CACNA1E: variants seen among roughly 807,000 people sequenced by gnomAD.
CACNA1E encodes voltage-dependent R-type calcium channel subunit alpha-1E.
CACNA1E carries 40 observed loss-of-function variants against 259.2 expected under a neutral mutation model. The observed-to-expected ratio is 0.15, with a 90% CI of 0.12 to 0.20. CACNA1E has a LOEUF of 0.20. CACNA1E is among the 10% of genes least tolerant of loss of function. The probability of loss-of-function intolerance (pLI) is 1.00; values close to 1 mark genes in which losing one functional copy is unlikely to be tolerated. For synonymous variants in CACNA1E, 1,104 were observed against 1,138.5 expected, an observed-to-expected ratio of 0.97 and a Z score of 0.61; for missense variants, 1,874 against 3,040.1, an observed-to-expected ratio of 0.62 and a Z score of 9.02.
At chr1:181,578,979 T>G in intron 4 of CACNA1E, 93 bp from the exon 5 acceptor site, 2 of 1,093,792 alleles carry the variant, frequency 1.8e-6, no homozygotes, top group East Asian at 2.5e-5. Flanking sequence ...GACGGCAGCA[T>G]GGATGAAACC....
At chr1:181,769,445 T>C in intron 35 of CACNA1E, among the ~76,000 whole-genome samples, 1 of 139,520 alleles carries the variant, frequency 7.2e-6, no homozygotes, top group South Asian at 2.2e-4. Flanking sequence ...TGCTTTTTGG[T>C]TTTTTTTTTT....
intron 1 of CACNA1E, among the ~76,000 whole-genome samples, chr1:181,487,640 C>G (rs988889793): frequency 2.6e-5 from 4 of 152,228 alleles, no homozygotes. Context: ...TAGATCTTCT[C>G]TGGCAGTTGG....
chr1:181,545,539 G>A (rs890460649), intron 3 of CACNA1E, among the ~76,000 whole-genome samples: 3 of 152,096 alleles, frequency 2.0e-5, no homozygotes, highest in African/African-American at 7.2e-5. Context: ...CTCCTCCCAC[G>A]TGAGGGTGTG....
chr1:181,416,812 C>T (rs1333802155), intron 2 of CACNA1E, among the ~76,000 whole-genome samples: 1 of 152,168 alleles, frequency 6.6e-6, no homozygotes, highest in Non-Finnish European at 1.5e-5. Context: ...CCCTCGTTGC[C>T]ACCATCTACA....
chr1:181,708,926 C>T (rs1466052767), intron 7 of CACNA1E, among the ~76,000 whole-genome samples: 3 of 151,982 alleles, frequency 2.0e-5, no homozygotes, highest in East Asian at 1.9e-4. Flanking sequence ...AAAAAGATAA[C>T]GTTGATAGTG....
intron 17 of CACNA1E, among the ~76,000 whole-genome samples, chr1:181,725,199 G>C (rs1411787772): frequency 6.6e-6 from 1 of 152,202 alleles, no homozygotes; most frequent in Non-Finnish European, 1.5e-5. Context: ...TGACATTTCT[G>C]AGCTTCTTCC....
At chr1:181,550,942 G>GTAT (rs1184526562) in intron 3 of CACNA1E, among the ~76,000 whole-genome samples, 1 of 151,732 alleles carries the variant, frequency 6.6e-6, no homozygotes, top group African/African-American at 2.4e-5. Flanking sequence ...TAGATTGAAA[G>GTAT]TATTATTATT....
chr1:181,646,887 C>T (rs1022524701), intron 6 of CACNA1E, among the ~76,000 whole-genome samples: 3 of 152,254 alleles, frequency 2.0e-5, no homozygotes, highest in African/African-American at 7.2e-5. Flanking sequence ...AACACATTCC[C>T]ACAATGTCAG....
At chr1:181,735,584 C>T (rs1032465402) in intron 21 of CACNA1E, among the ~76,000 whole-genome samples, 1 of 152,248 alleles carries the variant, frequency 6.6e-6, no homozygotes, top group Non-Finnish European at 1.5e-5. Flanking sequence ...GAGCTCCCCT[C>T]GACCTCTGGC....
chr1:181,686,364 G>A (rs774051834), intron 7 of CACNA1E, among the ~76,000 whole-genome samples: 2 of 127,844 alleles, frequency 1.6e-5, no homozygotes, highest in Non-Finnish European at 3.1e-5. Flanking sequence ...TTGGCTCACT[G>A]CAACCTCTAC....
chr1:181,726,578 A>G (rs899209873), intron 18 of CACNA1E, among the ~76,000 whole-genome samples: 4 of 151,892 alleles, frequency 2.6e-5, no homozygotes, highest in Non-Finnish European at 5.9e-5. Flanking sequence ...GTAATTAATG[A>G]GGGGAAATAG....
At chr1:181,645,066 G>A (rs1348355194) in intron 6 of CACNA1E, among the ~76,000 whole-genome samples, 1 of 152,192 alleles carries the variant, frequency 6.6e-6, no homozygotes, top group African/African-American at 2.4e-5. Flanking sequence ...CGTCCTTACT[G>A]GTGACAGCCG....
rs976178498 is a variant in CACNA1E at position 181,801,318 on chromosome 1, T to C, written c.*2484T>C. The C allele has an allele frequency of 2.0e-5, 3 of 152,564 alleles. No individual in the cohort carries two copies. Among genetic ancestry groups the C allele is most frequent in the Non-Finnish European group, 4.4e-5 (3 of 68,038 alleles). The allele number at this position is 152,564 out of a possible 1,614,324, so 9.5% of individuals were successfully genotyped here. A position where few individuals can be genotyped will look rare whatever the true frequency, so the allele number is the denominator to read the frequency against. On this transcript the variant is annotated 3_prime_UTR_variant, in exon 48 of 48. Transcript: ENST00000367573. ...TCCAGAAATGGAATTTGCCTGCAAA[T>C]AGTATAAACAACACTAAATTTACTG...
rs1480796239 is a variant in CACNA1E, at chr1:181,548,227, C to T, written c.513-29539C>T. On this transcript the variant is annotated intron_variant, in intron 3 of 47. Coordinates refer to ENST00000367573, the MANE Select transcript of CACNA1E (RefSeq NM_001205293.3). Reference sequence around the variant, plus strand: ...GCAACCTCTGCCTCCCGGGCTCAAGCGATTCTCCTGCCTCAACCTCTTGAG... The same window carrying T: ...GCAACCTCTGCCTCCCGGGCTCAAGTGATTCTCCTGCCTCAACCTCTTGAG... Among the ~76,000 whole-genome samples, 8 of 151,686 alleles carry T rather than the reference C, an allele frequency of 5.3e-5. No individual in the cohort carries two copies. The East Asian group carries it at 7.8e-4, about 15-fold the overall frequency.
At chr1:181,587,784 GAGGCAGGAGAA>G (rs1652222498) in intron 6 of CACNA1E, among the ~76,000 whole-genome samples, 1 of 152,218 alleles carries the variant, frequency 6.6e-6, no homozygotes, top group Non-Finnish European at 1.5e-5. Flanking sequence ...TCAGGAGGCT[GAGGCAGGAGAA>G]TGGTGTGAAC....
chr1:181,559,614 T>G (rs1479517692), intron 3 of CACNA1E, among the ~76,000 whole-genome samples: 1 of 152,154 alleles, frequency 6.6e-6, no homozygotes, highest in Admixed American at 6.5e-5. Flanking sequence ...TATTATAAAG[T>G]GCTGCAATAC....
intron 6 of CACNA1E, among the ~76,000 whole-genome samples, chr1:181,589,986 G>A (rs1179291893): frequency 6.6e-6 from 1 of 152,172 alleles, no homozygotes; most frequent in Admixed American, 6.5e-5. Context: ...AGGGTTGGAT[G>A]TACTAACTTT....
intron 6 of CACNA1E, among the ~76,000 whole-genome samples, chr1:181,621,816 A>C (rs531805665): frequency 2.4e-4 from 36 of 152,236 alleles, no homozygotes; most frequent in African/African-American, 8.4e-4. Flanking sequence ...TGAGTGACCT[A>C]TTGTGCTACC....
At chr1:181,473,761 T>C (rs1662667093) in intron 2 of CACNA1E, among the ~76,000 whole-genome samples, 1 of 152,230 alleles carries the variant, frequency 6.6e-6, no homozygotes, top group Non-Finnish European at 1.5e-5. Flanking sequence ...CTATTAATGA[T>C]ATCAGCGAGA....
Sources: allele counts gnomAD v4.1 joint callset (sites outside exome capture counted in the v4.1 genomes callset), GRCh38; gene constraint gnomAD v4.1.1; transcripts MANE v1.5; gene names NCBI Gene and HGNC (gene_info 2026-07-23, HGNC 2026-07-21).